The following PVT1 variants were observed in gnomAD, a reference collection of about 807,000 sequenced individuals.
PVT1 encodes the protein Pvt1 oncogene.
chr8:127,865,103 CT>C (rs1386110401), intron 2 of PVT1, among the ~76,000 whole-genome samples: 3 of 152,196 alleles, frequency 2.0e-5, no homozygotes, highest in Non-Finnish European at 4.4e-5. Context: ...GGGCGAGTCT[CT>C]TGCCACTATT....
chr8:127,843,745 T>C (rs1006254274), intron 2 of PVT1, among the ~76,000 whole-genome samples: 1 of 88,436 alleles, frequency 1.1e-5, no homozygotes, highest in Non-Finnish European at 2.1e-5. Flanking sequence ...ACGCCTGGCC[T>C]GTTTGGCTGT....
At chr8:128,043,995 T>G (rs1269766805) in intron 4 of PVT1, among the ~76,000 whole-genome samples, 1 of 127,176 alleles carries the variant, frequency 7.9e-6, no homozygotes, top group Non-Finnish European at 1.6e-5. Context: ...CCCGGTTAAT[T>G]TTTTTATTAT....
intron 4 of PVT1, among the ~76,000 whole-genome samples, chr8:128,035,407 G>C (rs541533995): frequency 1.8e-4 from 27 of 152,302 alleles, no homozygotes; most frequent in African/African-American, 6.3e-4. Flanking sequence ...CCTTGGACCT[G>C]AGCCCATCTG....
intron 2 of PVT1, among the ~76,000 whole-genome samples, chr8:127,866,319 C>G (rs1371744726): frequency 6.6e-6 from 1 of 151,978 alleles, no homozygotes; most frequent in Non-Finnish European, 1.5e-5. Flanking sequence ...GCATGGCTGC[C>G]CCTGGGTCTG....
intron 3 of PVT1, among the ~76,000 whole-genome samples, chr8:127,976,215 T>C (rs1816821601): frequency 6.6e-6 from 1 of 152,206 alleles, no homozygotes; most frequent in Admixed American, 6.5e-5. Context: ...CTTCCAACCC[T>C]TCTCCAGAGC....
rs191564379 is a variant in PVT1, at chr8:128,085,838, A to G, written n.1115-10680A>G. Among the ~76,000 whole-genome samples the G allele has an allele frequency of 3.3e-5, 5 of 152,362 alleles. No individual in the cohort carries two copies. The East Asian group carries it at 9.6e-4, about 29-fold the overall frequency. ...TTAACATAAGCACCTAGCTAAGCCCAGGCAAAAAACGAGATCCCCAAGATT... is the reference window on the plus strand; with the variant it reads ...TTAACATAAGCACCTAGCTAAGCCCGGGCAAAAAACGAGATCCCCAAGATT... On this transcript the variant is annotated intron_variant and non_coding_transcript_variant, in intron 5 of 10. Coordinates refer to ENST00000651587, the Ensembl canonical transcript of PVT1.
intron 3 of PVT1, among the ~76,000 whole-genome samples, chr8:127,933,196 C>T (rs959739964): frequency 2.9e-4 from 44 of 152,156 alleles, no homozygotes; most frequent in Non-Finnish European, 4.7e-4. Context: ...CTGCCTCAGC[C>T]ACTGGAGTAG....
intron 2 of PVT1, among the ~76,000 whole-genome samples, chr8:127,875,377 C>T (rs1815394621): frequency 6.6e-6 from 1 of 151,942 alleles, no homozygotes; most frequent in South Asian, 2.1e-4. Flanking sequence ...CTCTCTCTCT[C>T]TCTCTCTTCT....
chr8:127,814,889 C>T (rs1336466353), intron 2 of PVT1, among the ~76,000 whole-genome samples: 1 of 152,224 alleles, frequency 6.6e-6, no homozygotes, highest in African/African-American at 2.4e-5. Context: ...ATCTAACTAC[C>T]CTAAGCATCC....
At chr8:127,894,279 G>C (rs754414587) in intron 3 of PVT1, among the ~76,000 whole-genome samples, 9 of 152,198 alleles carry the variant, frequency 5.9e-5, no homozygotes, top group Admixed American at 5.9e-4. Context: ...TGAGGGAAAG[G>C]CTGTGACTTG....
intron 4 of PVT1, among the ~76,000 whole-genome samples, chr8:127,996,907 T>G (rs1162535477): frequency 6.6e-6 from 1 of 152,136 alleles, no homozygotes; most frequent in African/African-American, 2.4e-5. Context: ...TTGGCTCTTG[T>G]GAGCCTCGGT....
chr8:127,825,373 A>C (rs531442927), intron 2 of PVT1, among the ~76,000 whole-genome samples: 1 of 152,114 alleles, frequency 6.6e-6, no homozygotes, highest in Non-Finnish European at 1.5e-5. Context: ...TTTTTCCTCC[A>C]TGGAGTTGCT....
chr8:127,986,079 A>G (rs965695762), intron 3 of PVT1, among the ~76,000 whole-genome samples: 14 of 152,136 alleles, frequency 9.2e-5, no homozygotes, highest in African/African-American at 2.9e-4. Context: ...CCTGCCTTAC[A>G]TGTAGGACTG....
chr8:128,063,755 TTAGG>T (rs1586504090), intron 4 of PVT1, among the ~76,000 whole-genome samples: 6 of 151,978 alleles, frequency 3.9e-5, no homozygotes, highest in Admixed American at 1.3e-4. Context: ...ACAATTTCAG[TTAGG>T]TAGGAGGAAT....
At position 127,828,128 on chromosome 8, in the gene PVT1, A is replaced by G. The variant is rs143671321; in HGVS notation, n.372+32057A>G. ...CTGCTGGGATGTTCTACTTTGTTGG[A>G]CAGAAGGCTATGTGCTTTCTGGCAG... On this transcript the variant is annotated intron_variant and non_coding_transcript_variant, in intron 2 of 10. Coordinates refer to ENST00000651587, the Ensembl canonical transcript of PVT1. 5.4e-3 allele frequency among the ~76,000 whole-genome samples: 817 copies of G among 152,222 alleles called. 33 individuals are homozygous for G. The highest frequency in any genetic ancestry group is 0.043 in the Admixed American group (657 of 15,288).
chr8:127,987,944 C>T (rs562625140), intron 3 of PVT1, among the ~76,000 whole-genome samples: 1 of 152,340 alleles, frequency 6.6e-6, no homozygotes, highest in East Asian at 1.9e-4. Flanking sequence ...GGGGAATTCA[C>T]TCTGTGCTGC....
intron 4 of PVT1, chr8:128,009,781 C>T (rs984639417): frequency 3.3e-5 from 5 of 152,150 alleles, no homozygotes; most frequent in African/African-American, 4.8e-5. Context: ...GGGTAAACCA[C>T]GCTGTGTCTA....
intron 4 of PVT1, among the ~76,000 whole-genome samples, chr8:128,016,620 GT>G (rs1215623653): frequency 6.6e-6 from 1 of 152,172 alleles, no homozygotes; most frequent in African/African-American, 2.4e-5. Context: ...CTTTGGTTTT[GT>G]TTTCACTACA....
At position 128,006,784 on chromosome 8, in the gene PVT1, C is replaced by A. The variant is rs77877684; in HGVS notation, n.912+17493C>A. Among the ~76,000 whole-genome samples the A allele has an allele frequency of 8.9e-3, 1,350 of 152,224 alleles. 16 individuals are homozygous for A. Among genetic ancestry groups the A allele is most frequent in the African/African-American group, 0.031 (1,301 of 41,552 alleles). On this transcript the variant is annotated intron_variant and non_coding_transcript_variant, in intron 4 of 10. Transcript: ENST00000651587. ...TGGATTCTCATTATATTGGTTATAA[C>A]CCATGACTATAATACATTTTGTGCT...
Sources: gnomAD v4.1 joint callset for allele counts (sites outside exome capture counted in the v4.1 genomes callset) on GRCh38, gnomAD v4.1.1 for gene constraint, MANE v1.5 for transcripts, NCBI Gene and HGNC (gene_info 2026-07-23, HGNC 2026-07-21) for gene names.